The following MRPL2 variants were observed in gnomAD, a reference collection of about 807,000 sequenced individuals.
The protein encoded by MRPL2 is large ribosomal subunit protein uL2m.
In MRPL2, 27 loss-of-function variants were observed where a neutral mutation model predicts 34.6. The ratio of observed to expected loss-of-function variants is 0.78; its 90% CI spans 0.58 to 1.08. The LOEUF (loss-of-function observed/expected upper bound fraction) is 1.08, where lower values mean the gene tolerates loss of function less well. Ranked by LOEUF, MRPL2 falls within the 50% of genes least tolerant of loss-of-function variation. The pLI, the probability that MRPL2 is intolerant of heterozygous loss-of-function variation, is 0.00. For missense variants in MRPL2, 414 were observed against 419.3 expected, an observed-to-expected ratio of 0.99 and a Z score of 0.11; for synonymous variants, 155 against 158.0, an observed-to-expected ratio of 0.98 and a Z score of 0.14.
In MRPL2 at chr6:43,054,371, C is replaced by T. The variant is rs775695693; in HGVS notation, c.821G>A (p.Arg274Gln). 5.6e-6 allele frequency: 9 copies of T among 1,614,078 alleles called. No homozygotes were observed. Among genetic ancestry groups the T allele is most frequent in the Middle Eastern group, 1.6e-4 (1 of 6,084 alleles). The change falls in exon 7 of 7, where the codon CGG (arginine) becomes CAG (glutamine). Residue 274 changes from arginine (R) to glutamine (Q), a missense_variant. By Grantham distance (43) the Arg-to-Gln change is conservative. Transcript: ENST00000388752. ...AGCCCAGCCCCCCTTGCGGTGCCAC[C>T]GCCCACTGTTAGGCCTCTTGCCCAG... Reference protein sequence around the residue: ...RWLGKRPNSGRWHRKGGWAGR... With the variant: ...RWLGKRPNSGQWHRKGGWAGR...
chr6:43,054,225 TA>T lies in MRPL2; in HGVS notation c.*48del. On this transcript the variant is annotated 3_prime_UTR_variant, in exon 7 of 7. Coordinates refer to ENST00000388752, the MANE Select transcript of MRPL2 (RefSeq NM_015950.5). ...AAAAACACCCAAAACAAAACCACAG[TA>T]ACAGATTAAAACGGGGGGGGGGGGC... 1 of 1,189,742 alleles carries T rather than the reference TA, an allele frequency of 8.4e-7. No homozygotes were observed. The highest frequency in any genetic ancestry group is 1.2e-6 in the Non-Finnish European group (1 of 867,472). 73.7% of individuals were successfully genotyped at this position (1,189,742 alleles called of 1,614,324 possible). A position where few individuals can be genotyped will look rare whatever the true frequency, so the allele number is the denominator to read the frequency against.
chr6:43,059,171 G>C (rs1237654943), intron 1 of MRPL2, 115 bp downstream of exon 1: 7 of 1,550,268 alleles, frequency 4.5e-6, no homozygotes, highest in Non-Finnish European at 6.1e-6. Flanking sequence ...CTTATCCAAG[G>C]TCACGGACCT....
At chr6:43,059,667 CCA>C, upstream of MRPL2, 1 of 1,346,886 alleles carries the variant, frequency 7.4e-7, no homozygotes, top group African/African-American at 1.5e-5. Flanking sequence ...AGAGCGGCAG[CCA>C]CACCGGCAGA....
rs372596989 is a variant in MRPL2, at chr6:43,055,900, C to T, written c.628G>A (p.Ala210Thr). 7.7e-5 allele frequency: 124 copies of T among 1,611,552 alleles called. No individual in the cohort carries two copies. The highest frequency in any genetic ancestry group is 1.0e-4 in the Non-Finnish European group (119 of 1,178,226). The change falls in exon 5 of 7, where the codon GCA (alanine) becomes ACA (threonine). Residue 210 changes from alanine to threonine, a missense_variant. Transcript: ENST00000388752. ...PGRGAQYIRA[A>T]GTCGVLLRKV... ...CAGGCAACTCCTTTCCCCATACCTG[C>T]AGCTCGGATATATTGGGCACCCCGG...
intron 6 of MRPL2, among the ~76,000 whole-genome samples, chr6:43,054,920 A>C (rs116573637): frequency 0.019 from 2,847 of 149,842 alleles, 84 homozygotes; most frequent in African/African-American, 0.065. Flanking sequence ...TCTACAAAAA[A>C]TACGAAAATT....
chr6:43,059,437 C>G, upstream of MRPL2: 1 of 1,480,530 alleles, frequency 6.8e-7, no homozygotes, highest in Non-Finnish European at 9.0e-7. Context: ...ATGACGTTGA[C>G]TGTCCGGCGC....
intron 5 of MRPL2, 61 bp downstream of exon 5, chr6:43,055,836 T>A (rs1019831042): frequency 1.3e-6 from 2 of 1,486,192 alleles, no homozygotes. Flanking sequence ...TGTGGAACCA[T>A]GGGTTCAGAC....
rs1003236245 is a variant in MRPL2 at position 43,058,211 on chromosome 6, T to C, written c.119A>G (p.Gln40Arg). 3.7e-6 allele frequency: 6 copies of C among 1,613,974 alleles called. No individual in the cohort carries two copies. Residue 40 changes from glutamine (Q) to arginine (R), a missense_variant, in exon 2 of 7, where the codon CAA (glutamine) becomes CGA (arginine). Gln to Arg is a conservative substitution (Grantham distance 43, BLOSUM62 1). Coordinates refer to ENST00000388752, the MANE Select transcript of MRPL2 (RefSeq NM_015950.5). ...AAQMMNNGLL[Q>R]QPSALMLLPC... Reference sequence around the variant, plus strand: ...GAGCAACATCAAGGCAGAGGGCTGTTGGAGGAGGCCATTGTTCATCATCTA... The same window carrying C: ...GAGCAACATCAAGGCAGAGGGCTGTCGGAGGAGGCCATTGTTCATCATCTA...
At chr6:43,058,428 T>C (rs1764957094) in intron 1 of MRPL2, among the ~76,000 whole-genome samples, 195 bp from the exon 2 acceptor site, 1 of 152,186 alleles carries the variant, frequency 6.6e-6, no homozygotes. Flanking sequence ...TCCTTCCAAA[T>C]TTGGCTCAGA....
In MRPL2 at chr6:43,056,417, C is replaced by T; in HGVS notation, c.294G>A (p.Gly98=). 1.9e-6 allele frequency: 3 copies of T among 1,614,126 alleles called. No homozygotes were observed. Among genetic ancestry groups the T allele is most frequent in the Non-Finnish European group, 2.5e-6 (3 of 1,180,036 alleles). ...TCATTCGATAACGTTGCTTGTGGCCCCCGCCAATACCATGCACCCGGATTC... is the reference window on the plus strand; with the variant it reads ...TCATTCGATAACGTTGCTTGTGGCCTCCGCCAATACCATGCACCCGGATTC... The part of the protein sequence containing the change: ...TGRIRVHGIG[G]GHKQRYRMID... The change falls in exon 3 of 7, where the codon GGG becomes GGA. Residue 98 remains glycine, a synonymous_variant. Transcript: ENST00000388752.
chr6:43,059,215 T>C (rs1764997045), intron 1 of MRPL2, 71 bp downstream of exon 1: 1 of 1,550,902 alleles, frequency 6.4e-7, no homozygotes, highest in South Asian at 1.2e-5. Context: ...AACTCCCGCC[T>C]CGCATGCCCG....
chr6:43,056,758 T>C (rs1764891247), intron 2 of MRPL2, among the ~76,000 whole-genome samples: 1 of 152,104 alleles, frequency 6.6e-6, no homozygotes, highest in South Asian at 2.1e-4. Context: ...CACTGCAAGC[T>C]CCGCCTCCCG....
Position 43,058,187 on chromosome 6 carries a change from A to T in MRPL2, c.143T>A (p.Leu48His), listed in dbSNP as rs748508206. Reference sequence around the variant, plus strand: ...AGAAGTAAGAACTGGGCGGCAGGGGAGCAACATCAAGGCAGAGGGCTGTTG... The same window carrying T: ...AGAAGTAAGAACTGGGCGGCAGGGGTGCAACATCAAGGCAGAGGGCTGTTG... The part of the protein sequence containing the change: ...LLQQPSALML[L>H]PCRPVLTSVA... The change falls in exon 2 of 7, where the codon CTC (leucine) becomes CAC (histidine). Residue 48 changes from leucine to histidine, a missense_variant. Physicochemically the swap from Leu to His is moderately conservative, Grantham distance 99. Coordinates refer to ENST00000388752, the MANE Select transcript of MRPL2 (RefSeq NM_015950.5). 4 of 1,614,178 alleles carry T rather than the reference A, an allele frequency of 2.5e-6. No individual in the cohort carries two copies. Among genetic ancestry groups the T allele is most frequent in the Non-Finnish European group, 3.4e-6 (4 of 1,180,038 alleles).
In MRPL2 at chr6:43,056,174, C is replaced by G; in HGVS notation, c.427G>C (p.Ala143Pro). The G allele has an allele frequency of 6.2e-7, 1 of 1,614,194 alleles. No individual in the cohort carries two copies. The highest frequency in any genetic ancestry group is 1.1e-5 in the South Asian group (1 of 91,084). Reference protein sequence around the residue: ...PCRSADIALVAGGSRKRWIIA... With the variant: ...PCRSADIALVPGGSRKRWIIA... ...ATCCAGCGTTTCCGGCTGCCCCCAG[C>G]AACCAGAGCTATGTCTGCTGACCTA... is the stretch of plus-strand genomic sequence containing the variant. The change falls in exon 4 of 7, where the codon GCT becomes CCT. Residue 143 changes from alanine (A) to proline (P), a missense_variant. Physicochemically the swap from Ala to Pro is conservative, Grantham distance 27. Transcript: ENST00000388752.
chr6:43,054,248 G>GC lies in MRPL2; in HGVS notation c.*25_*26insG, dbSNP rs1554140892. On this transcript the variant is annotated 3_prime_UTR_variant, in exon 7 of 7. Transcript: ENST00000388752. ...AGTAACAGATTAAAACGGGGGGGGGGGGCATTTTATTAGAGTACAGGGATA... is the reference window on the plus strand; with the variant it reads ...AGTAACAGATTAAAACGGGGGGGGGGCGGCATTTTATTAGAGTACAGGGATA... The GC allele has an allele frequency of 2.9e-6, 4 of 1,391,558 alleles. No homozygotes were observed. Among genetic ancestry groups the GC allele is most frequent in the Middle Eastern group, 2.0e-4 (1 of 4,880 alleles). 86.2% of individuals were successfully genotyped at this position (1,391,558 alleles called of 1,614,324 possible).
intron 2 of MRPL2, among the ~76,000 whole-genome samples, chr6:43,057,241 T>C (rs2150345769): frequency 6.6e-6 from 1 of 152,110 alleles, no homozygotes; most frequent in South Asian, 2.1e-4. Context: ...AATACAATGG[T>C]GCGATCTCGG....
rs1446777262 is a variant in MRPL2 at position 43,054,405 on chromosome 6, T to G, written c.787A>C (p.Asn263His). Residue 263 changes from asparagine (N) to histidine (H), a missense_variant, in exon 7 of 7, where the codon AAC becomes CAC. Transcript: ENST00000388752. ...TTAGGCCTCTTGCCCAGCCAGCGGT[T>G]GCGACCTGCCTTGCCAATGACCCGT... ...NKRVIGKAGR[N>H]RWLGKRPNSG... is the part of the protein sequence containing the mutation. 11 of 1,614,142 alleles carry G rather than the reference T, an allele frequency of 6.8e-6. No individual in the cohort carries two copies. Among genetic ancestry groups the G allele is most frequent in the Non-Finnish European group, 9.3e-6 (11 of 1,180,050 alleles).
At chr6:43,057,702 C>A (rs1431785647) in intron 2 of MRPL2, 4 of 284,056 alleles carry the variant, frequency 1.4e-5, no homozygotes, top group Non-Finnish European at 2.6e-5. Flanking sequence ...TGGTCTTAAA[C>A]TTGTGACGTC....
Position 43,058,213 on chromosome 6 carries a change from GA to G in MRPL2, c.116del (p.Leu39ProfsTer7). 6.2e-7 allele frequency: 1 copy of G among 1,614,058 alleles called. No individual in the cohort carries two copies. On this transcript the variant is annotated frameshift_variant, in exon 2 of 7. Coordinates refer to ENST00000388752, the MANE Select transcript of MRPL2 (RefSeq NM_015950.5). LOFTEE classifies it high-confidence loss of function. ...GCAACATCAAGGCAGAGGGCTGTTG[GA>G]GGAGGCCATTGTTCATCATCTAGGG... ...PAAQMMNNGL[L>X]QQPSALMLLP...
Sources: allele counts gnomAD v4.1 joint callset (sites outside exome capture counted in the v4.1 genomes callset), GRCh38; gene constraint gnomAD v4.1.1; transcripts MANE v1.5; gene names NCBI Gene and HGNC (gene_info 2026-07-23, HGNC 2026-07-21).